The following DPYD variants were observed in gnomAD, a reference collection of about 807,000 sequenced individuals.
The protein encoded by DPYD is dihydropyrimidine dehydrogenase.
A neutral mutation model predicts 116.2 loss-of-function variants in DPYD; 109 were observed. That is an observed-to-expected ratio of 0.94 (90% confidence interval 0.80 to 1.10). The LOEUF (loss-of-function observed/expected upper bound fraction) is 1.10. Among genes scored for constraint, DPYD ranks in the 50% least tolerant of loss-of-function variants. DPYD has a pLI of 0.00. For missense variants in DPYD, 1,302 were observed against 1,254.5 expected (o/e 1.04, Z -0.57); for synonymous variants, 440 against 432.0 (o/e 1.02, Z -0.23).
chr1:97,164,343 A>T (rs1656152423), intron 20 of DPYD, among the ~76,000 whole-genome samples: 1 of 152,158 alleles, frequency 6.6e-6, no homozygotes, highest in African/African-American at 2.4e-5. Context: ...AAAAGCTGAC[A>T]GCATTCCCCT....
At chr1:97,153,259 G>T (rs933188934) in intron 20 of DPYD, among the ~76,000 whole-genome samples, 3 of 152,072 alleles carry the variant, frequency 2.0e-5, no homozygotes, top group African/African-American at 7.2e-5. Flanking sequence ...GTTCAGATGG[G>T]GAAAAAGAGA....
chr1:97,488,558 G>A (rs1371351534), intron 13 of DPYD, among the ~76,000 whole-genome samples: 1 of 152,182 alleles, frequency 6.6e-6, no homozygotes, highest in African/African-American at 2.4e-5. Context: ...ACCTACAAGT[G>A]CTAAGTCAGA....
intron 8 of DPYD, among the ~76,000 whole-genome samples, chr1:97,596,944 T>C (rs1350489399): frequency 1.3e-5 from 2 of 152,206 alleles, no homozygotes; most frequent in Non-Finnish European, 2.9e-5. Flanking sequence ...TCAGCTTCTC[T>C]GTAAAGGAAA....
intron 16 of DPYD, among the ~76,000 whole-genome samples, chr1:97,364,508 C>T (rs746242630): frequency 6.6e-5 from 10 of 152,116 alleles, no homozygotes; most frequent in Admixed American, 1.3e-4. Flanking sequence ...GTAATTCATG[C>T]TTTAAATTGA....
chr1:97,863,306 A>C (rs541693441), intron 2 of DPYD, among the ~76,000 whole-genome samples: 1 of 151,950 alleles, frequency 6.6e-6, no homozygotes, highest in Non-Finnish European at 1.5e-5. Flanking sequence ...GGTCTGAAAA[A>C]GGGAAGGGAA....
intron 12 of DPYD, among the ~76,000 whole-genome samples, chr1:97,521,723 G>A (rs1180129414): frequency 6.6e-6 from 1 of 152,024 alleles, no homozygotes; most frequent in Non-Finnish European, 1.5e-5. Flanking sequence ...ATAGACCAAT[G>A]GAACAGAACA....
At chr1:97,554,853 C>T (rs1467783755) in intron 11 of DPYD, among the ~76,000 whole-genome samples, 1 of 152,084 alleles carries the variant, frequency 6.6e-6, no homozygotes, top group African/African-American at 2.4e-5. Flanking sequence ...TGATTCTGTA[C>T]CTTCCTGCTC....
At chr1:97,188,049 T>C (rs1001074581) in intron 20 of DPYD, among the ~76,000 whole-genome samples, 1 of 152,176 alleles carries the variant, frequency 6.6e-6, no homozygotes, top group African/African-American at 2.4e-5. Flanking sequence ...GCTTTGGCTA[T>C]TTGGACTCTT....
At chr1:97,369,674 T>C (rs556587773) in intron 16 of DPYD, among the ~76,000 whole-genome samples, 446 of 152,296 alleles carry the variant, frequency 2.9e-3, no homozygotes, top group Non-Finnish European at 4.4e-3. Context: ...CTTTGATTCT[T>C]TGGAATGAAT....
At chr1:97,552,565 G>A (rs940236903) in intron 11 of DPYD, among the ~76,000 whole-genome samples, 3 of 151,892 alleles carry the variant, frequency 2.0e-5, no homozygotes, top group Non-Finnish European at 4.4e-5. Flanking sequence ...GTGTTATTAT[G>A]TATCCTTAAA....
intron 3 of DPYD, among the ~76,000 whole-genome samples, chr1:97,814,943 A>AAGAAAGGAG (rs1553245573): frequency 4.0e-5 from 6 of 150,374 alleles, no homozygotes; most frequent in African/African-American, 1.5e-4. Context: ...GAAAGAAAGA[A>AAGAAAGGAG]AGAAAGAAAG....
At position 97,834,320 on chromosome 1, in the gene DPYD, T is replaced by C. The variant is rs187025754; in HGVS notation, c.151-6124A>G. The stretch of plus-strand genomic sequence containing the variant: ...TATTTAGAACATAATGGGTGCTAGA[T>C]AGTATGCTAATCATTGAGACACCAA... On this transcript the variant is annotated intron_variant, in intron 2 of 22. Transcript: ENST00000370192. 1.1e-4 allele frequency among the ~76,000 whole-genome samples: 17 copies of C among 152,104 alleles called. No individual in the cohort carries two copies. In the East Asian group the frequency reaches 3.3e-3, roughly 29 times the overall value.
At chr1:97,877,835 T>G (rs1341203623) in intron 2 of DPYD, among the ~76,000 whole-genome samples, 1 of 151,982 alleles carries the variant, frequency 6.6e-6, no homozygotes, top group East Asian at 1.9e-4. Context: ...ATTTAACAGA[T>G]CCCAGTAGCT....
At chr1:97,196,358 C>A (rs188575696) in intron 19 of DPYD, among the ~76,000 whole-genome samples, 1 of 152,108 alleles carries the variant, frequency 6.6e-6, no homozygotes, top group East Asian at 1.9e-4. Context: ...TCAAGCAATC[C>A]GCCCACCTGG....
chr1:97,403,999 T>C (rs1673513392), intron 14 of DPYD, among the ~76,000 whole-genome samples: 1 of 152,068 alleles, frequency 6.6e-6, no homozygotes, highest in African/African-American at 2.4e-5. Context: ...CTTTTAATTT[T>C]CATTTAGTTC....
intron 20 of DPYD, among the ~76,000 whole-genome samples, chr1:97,179,637 A>G (rs939144904): frequency 1.3e-5 from 2 of 152,104 alleles, no homozygotes; most frequent in African/African-American, 4.8e-5. Context: ...GGGCACTTCC[A>G]GTCTATAAGG....
chr1:97,789,400 A>G (rs2101258059), intron 3 of DPYD, among the ~76,000 whole-genome samples: 1 of 152,306 alleles, frequency 6.6e-6, no homozygotes, highest in South Asian at 2.1e-4. Flanking sequence ...AGCATCAATC[A>G]TTTAACAGCA....
intron 3 of DPYD, among the ~76,000 whole-genome samples, chr1:97,748,197 G>A (rs568428115): frequency 4.6e-5 from 7 of 152,136 alleles, no homozygotes; most frequent in African/African-American, 7.2e-5. Context: ...AACCAGAGAC[G>A]CCTTCTTAGA....
At chr1:97,259,784 A>G (rs536069824) in intron 18 of DPYD, among the ~76,000 whole-genome samples, 1 of 152,208 alleles carries the variant, frequency 6.6e-6, no homozygotes, top group South Asian at 2.1e-4. Context: ...CTTGCTTTCA[A>G]TTTTCATCCT....
Sources: gnomAD v4.1 joint callset for allele counts (sites outside exome capture counted in the v4.1 genomes callset) on GRCh38, gnomAD v4.1.1 for gene constraint, MANE v1.5 for transcripts, NCBI Gene and HGNC (gene_info 2026-07-23, HGNC 2026-07-21) for gene names.